The following FRYL variants were observed in gnomAD, a reference collection of about 807,000 sequenced individuals.
FRYL encodes the protein protein furry homolog-like.
In FRYL, 150 loss-of-function variants were observed where a neutral mutation model predicts 351.2. The ratio of observed to expected loss-of-function variants is 0.43; its 90% CI spans 0.37 to 0.49. The LOEUF (loss-of-function observed/expected upper bound fraction) is 0.49. Ranked by LOEUF, FRYL falls within the 20% of genes least tolerant of loss-of-function variation. The pLI, the probability that FRYL is intolerant of heterozygous loss-of-function variation, is 0.00. For synonymous variants in FRYL, 1,153 were observed against 1,257.1 expected, an observed-to-expected ratio of 0.92 and a Z score of 1.75; for missense variants, 3,036 against 3,619.3, an observed-to-expected ratio of 0.84 and a Z score of 4.13.
chr4:48,567,356 A>C lies in FRYL; in HGVS notation c.3061T>G (p.Leu1021Val), dbSNP rs1268478984. 1 of 1,612,424 alleles carries C rather than the reference A, an allele frequency of 6.2e-7. No homozygotes were observed. The highest frequency in any genetic ancestry group is 8.5e-7 in the Non-Finnish European group (1 of 1,179,060). Residue 1021 changes from leucine (L) to valine (V), a missense_variant, in exon 28 of 64, where the codon TTA becomes GTA. By Grantham distance (32) the Leu-to-Val change is conservative. Around this residue, in one of 7 missense-constraint regions of FRYL, gnomAD observed 492 missense variants for 551.5 expected, o/e 0.89. Coordinates refer to ENST00000358350, the MANE Select transcript of FRYL (RefSeq NM_015030.2). This position sits in a 1 kb window ranked among gnomAD's most constrained non-coding sequence, Gnocchi z 4.2. ...LNNTLLEYVD[L>V]TRQLLEAENE... ...TCTGCTTCCAGGAGTTGTCTAGTTA[A>C]ATCTACATATTCCAATAAAGTGTTG...
intron 1 of FRYL, among the ~76,000 whole-genome samples, chr4:48,740,813 A>C (rs1771971006): frequency 6.6e-6 from 1 of 152,198 alleles, no homozygotes; most frequent in Non-Finnish European, 1.5e-5. Flanking sequence ...TGGGAATGCA[A>C]AATGAAACAG....
intron 50 of FRYL, 97 bp downstream of exon 50, chr4:48,531,059 G>A (rs1727479438): frequency 4.8e-6 from 4 of 824,838 alleles, no homozygotes; most frequent in Non-Finnish European, 8.0e-6. Flanking sequence ...CTAACACTGG[G>A]TATGAGCTCA....
chr4:48,744,074 A>G (rs2149652976), intron 1 of FRYL, among the ~76,000 whole-genome samples: 1 of 152,352 alleles, frequency 6.6e-6, no homozygotes, highest in East Asian at 1.9e-4. Context: ...TGTAATTAAT[A>G]GGTCAGTAAA....
At chr4:48,572,938 CT>C (rs1738671459) in intron 26 of FRYL, among the ~76,000 whole-genome samples, 1 of 152,206 alleles carries the variant, frequency 6.6e-6, no homozygotes, top group Non-Finnish European at 1.5e-5. Flanking sequence ...CCATCCGGTC[CT>C]TTGCAGAAAA....
chr4:48,502,914 A>T, intron 60 of FRYL, 69 bp from the exon 61 acceptor site: 4 of 1,305,470 alleles, frequency 3.1e-6, no homozygotes, highest in Non-Finnish European at 4.4e-6. Context: ...AGTGTAAGAA[A>T]TCATTTTAAC....
chr4:48,653,268 CTATTATCATTA>C (rs1758105358), intron 3 of FRYL, among the ~76,000 whole-genome samples: 1 of 152,070 alleles, frequency 6.6e-6, no homozygotes, highest in Admixed American at 6.6e-5. Flanking sequence ...TGAGGGAAAG[CTATTATCATTA>C]TATTATGTTT....
At chr4:48,650,836 G>A (rs536617226) in intron 3 of FRYL, among the ~76,000 whole-genome samples, 1 of 152,110 alleles carries the variant, frequency 6.6e-6, no homozygotes, top group Non-Finnish European at 1.5e-5. Context: ...GATGAAGAGA[G>A]GCCTGAACTA....
At chr4:48,538,923 T>C (rs1294902340) in intron 47 of FRYL, among the ~76,000 whole-genome samples, 1 of 152,184 alleles carries the variant, frequency 6.6e-6, no homozygotes, top group Non-Finnish European at 1.5e-5. Flanking sequence ...ATGAATTATA[T>C]TTAAGCAAAA....
rs1471675066 is a variant in FRYL at position 48,587,238 on chromosome 4, G to GAC, written c.1641-512_1641-511dup. ...TATTGTTTGTTCTTGTCCTGTATGT[G>GAC]ACACACACACATAAATACACATACT... On this transcript the variant is annotated intron_variant, in intron 18 of 63. Coordinates refer to ENST00000358350, the MANE Select transcript of FRYL (RefSeq NM_015030.2). Among the ~76,000 whole-genome samples the GAC allele has an allele frequency of 1.6e-4, 24 of 151,970 alleles. No individual in the cohort carries two copies. In the East Asian group the frequency reaches 4.6e-3, roughly 29 times the overall value.
intron 41 of FRYL, chr4:48,547,332 T>C: frequency 3.5e-6 from 1 of 287,128 alleles, no homozygotes; most frequent in Middle Eastern, 9.8e-4. Context: ...AGCAGTTTCA[T>C]TATGTCTTCA....
At chr4:48,589,970 T>C (rs1742903663) in intron 17 of FRYL, 93 bp from the exon 18 acceptor site, 1 of 1,103,440 alleles carries the variant, frequency 9.1e-7, no homozygotes, top group African/African-American at 1.6e-5. Context: ...TTTAAATGAT[T>C]AGCTTATTGT....
intron 55 of FRYL, among the ~76,000 whole-genome samples, chr4:48,518,454 T>A (rs1232376348): frequency 6.6e-6 from 1 of 152,212 alleles, no homozygotes; most frequent in Non-Finnish European, 1.5e-5. Flanking sequence ...TCTGTGATTA[T>A]CCCTAACTGC....
At chr4:48,580,812 G>C in intron 22 of FRYL, 53 bp downstream of exon 22, 1 of 1,099,262 alleles carries the variant, frequency 9.1e-7, no homozygotes, top group East Asian at 2.4e-5. Context: ...ATACATATGT[G>C]TCTGTCATAA....
At chr4:48,674,567 C>T (rs1163951521) in intron 3 of FRYL, among the ~76,000 whole-genome samples, 1 of 151,792 alleles carries the variant, frequency 6.6e-6, no homozygotes, top group Non-Finnish European at 1.5e-5. Flanking sequence ...GAAAACCCAT[C>T]TTTACTAAAA....
chr4:48,653,727 G>A, intron 3 of FRYL: 1 of 1,290,436 alleles, frequency 7.7e-7, no homozygotes, highest in Non-Finnish European at 1.0e-6. Flanking sequence ...TGCTGCTCCA[G>A]GACTTTAACA....
chr4:48,622,238 T>G (rs1227640166), intron 5 of FRYL, among the ~76,000 whole-genome samples: 1 of 152,200 alleles, frequency 6.6e-6, no homozygotes, highest in Non-Finnish European at 1.5e-5. Flanking sequence ...GTGACATGGA[T>G]TCAAGATGTG....
In FRYL at chr4:48,764,849, A is replaced by AT. The variant is rs1159010641; in HGVS notation, c.-384+15228dup. ...ATTTTTCACAGAAATAGGAAAAGTG[A>AT]TTTTTTTTTCCCCGAGATGAAGTCT... is the stretch of plus-strand genomic sequence containing the variant. On this transcript the variant is annotated intron_variant, in intron 1 of 63. Coordinates refer to ENST00000358350, the MANE Select transcript of FRYL (RefSeq NM_015030.2). Among the ~76,000 whole-genome samples, 26 of 151,842 alleles carry AT rather than the reference A, an allele frequency of 1.7e-4. 1 individual carries two copies. The South Asian group carries it at 2.1e-3, about 12-fold the overall frequency.
chr4:48,706,567 T>G (rs1767376035), intron 2 of FRYL, among the ~76,000 whole-genome samples: 1 of 152,222 alleles, frequency 6.6e-6, no homozygotes, highest in Admixed American at 6.5e-5. Flanking sequence ...TGCATGATAG[T>G]GATAATTGCA....
At chr4:48,507,535 C>CAGTTCAGTTAGTT (rs1553913449) in intron 59 of FRYL, among the ~76,000 whole-genome samples, 4 of 151,672 alleles carry the variant, frequency 2.6e-5, no homozygotes, top group Non-Finnish European at 5.9e-5. Context: ...CTCAAACAAA[C>CAGTTCAGTTAGTT]AGTTAGTTAG....
Sources: gnomAD v4.1 joint callset for allele counts (sites outside exome capture counted in the v4.1 genomes callset) on GRCh38, gnomAD v4.1.1 for gene constraint, gnomAD v4.1.1 regional missense constraint, Gnocchi (gnomAD v3.1) non-coding constraint, MANE v1.5 for transcripts, NCBI Gene and HGNC (gene_info 2026-07-23, HGNC 2026-07-21) for gene names.